MACROD2: variants seen among roughly 807,000 people sequenced by gnomAD.
MACROD2 encodes the protein ADP-ribose glycohydrolase MACROD2.
A neutral mutation model predicts 70.4 loss-of-function variants in MACROD2; 36 were observed. That is an observed-to-expected ratio of 0.51 (90% CI 0.39 to 0.68). The LOEUF (loss-of-function observed/expected upper bound fraction) is 0.68, where lower values mean the gene tolerates loss of function less well. Ranked by LOEUF, MACROD2 falls within the 30% of genes least tolerant of loss-of-function variation. The pLI, the probability that MACROD2 is intolerant of heterozygous loss-of-function variation, is 0.00. For synonymous variants in MACROD2, 172 were observed against 178.8 expected (o/e 0.96, Z 0.30); for missense variants, 496 against 538.4 (o/e 0.92, Z 0.78).
chr20:15,083,142 T>G (rs2075718127), intron 5 of MACROD2, among the ~76,000 whole-genome samples: 1 of 152,174 alleles, frequency 6.6e-6, no homozygotes, highest in Admixed American at 6.6e-5. Flanking sequence ...CTTGTGGGTT[T>G]CTGACAAAGG....
chr20:14,424,003 C>T (rs1004367191), intron 3 of MACROD2, among the ~76,000 whole-genome samples: 3 of 151,722 alleles, frequency 2.0e-5, no homozygotes, highest in African/African-American at 7.3e-5. Flanking sequence ...CTCAGGTGAT[C>T]CGCCCGCCTC....
At chr20:14,192,062 T>C (rs2081393507) in intron 3 of MACROD2, among the ~76,000 whole-genome samples, 1 of 152,198 alleles carries the variant, frequency 6.6e-6, no homozygotes, top group African/African-American at 2.4e-5. Context: ...TACACATCAC[T>C]ACAGAGTCTT....
chr20:15,629,770 G>T (rs1026018071), intron 8 of MACROD2, among the ~76,000 whole-genome samples: 9 of 152,280 alleles, frequency 5.9e-5, no homozygotes, highest in African/African-American at 2.2e-4. Context: ...ACAGACTTAA[G>T]AGTAAATTTG....
intron 6 of MACROD2, among the ~76,000 whole-genome samples, chr20:15,251,779 A>T (rs1284741177): frequency 2.0e-5 from 3 of 152,186 alleles, no homozygotes; most frequent in Non-Finnish European, 4.4e-5. Context: ...TAATCAAGTT[A>T]CTATTTTAAA....
chr20:15,784,653 C>T (rs910761256), intron 8 of MACROD2, among the ~76,000 whole-genome samples: 10 of 152,028 alleles, frequency 6.6e-5, no homozygotes, highest in South Asian at 6.2e-4. Context: ...AACAATAAAA[C>T]GTGATTAATT....
intron 6 of MACROD2, among the ~76,000 whole-genome samples, chr20:15,345,149 T>C (rs758131770): frequency 2.6e-5 from 4 of 152,206 alleles, no homozygotes; most frequent in Non-Finnish European, 5.9e-5. Flanking sequence ...TAATCTTGAT[T>C]ACCGCCGAAA....
intron 8 of MACROD2, among the ~76,000 whole-genome samples, chr20:15,657,402 A>C (rs2049747790): frequency 6.6e-6 from 1 of 152,210 alleles, no homozygotes; most frequent in South Asian, 2.1e-4. Context: ...AGATGAATAA[A>C]AGCAGTTCCA....
chr20:15,990,138 C>A (rs1328044919), intron 15 of MACROD2, among the ~76,000 whole-genome samples: 1 of 152,130 alleles, frequency 6.6e-6, no homozygotes, highest in Non-Finnish European at 1.5e-5. Context: ...TCACATATGG[C>A]AGCTTTTCTG....
At chr20:15,429,377 C>G (rs968263019) in intron 6 of MACROD2, among the ~76,000 whole-genome samples, 4 of 152,084 alleles carry the variant, frequency 2.6e-5, no homozygotes, top group African/African-American at 9.7e-5. Flanking sequence ...AGAAACTGTT[C>G]TACTTTCTCA....
intron 5 of MACROD2, among the ~76,000 whole-genome samples, chr20:15,167,941 G>A (rs1298992243): frequency 6.6e-6 from 1 of 152,154 alleles, no homozygotes; most frequent in Non-Finnish European, 1.5e-5. Context: ...CTGGCAGAAT[G>A]TATGTGGAAT....
At chr20:14,002,509 A>C (rs966258217) in intron 2 of MACROD2, 105 bp downstream of exon 2, 23 of 654,274 alleles carry the variant, frequency 3.5e-5, no homozygotes, top group Middle Eastern at 2.6e-4. Context: ...CTATTTTGCT[A>C]TTTGAAATTA....
chr20:15,980,529 C>T (rs2066382689), intron 13 of MACROD2, among the ~76,000 whole-genome samples: 1 of 152,158 alleles, frequency 6.6e-6, no homozygotes, highest in South Asian at 2.1e-4. Context: ...AGGTAGCAAA[C>T]AAGGGAGCAG....
intron 3 of MACROD2, among the ~76,000 whole-genome samples, chr20:14,180,078 A>G (rs1440350696): frequency 2.6e-5 from 4 of 152,066 alleles, no homozygotes; most frequent in Non-Finnish European, 4.4e-5. Context: ...ATAACTTTCT[A>G]TTACCCCTTC....
At chr20:16,046,640 C>T (rs6135654) in intron 17 of MACROD2, among the ~76,000 whole-genome samples, 20,452 of 146,654 alleles carry the variant, frequency 0.14, 1,526 homozygotes, top group Middle Eastern at 0.28. Context: ...TAAAAATGAA[C>T]TCATATGTTA....
rs374890064 is a variant in MACROD2 at position 14,809,636 on chromosome 20, A to G, written c.418+124677A>G. On this transcript the variant is annotated intron_variant, in intron 5 of 17. Coordinates refer to ENST00000684519, the MANE Select transcript of MACROD2 (RefSeq NM_001351661.2). Reference sequence around the variant, plus strand: ...ACAAAAAAACTCTTCAAAAAAATCAATGAATCCAGGAGCTCATTTTTTTGA... The same window carrying G: ...ACAAAAAAACTCTTCAAAAAAATCAGTGAATCCAGGAGCTCATTTTTTTGA... Among the ~76,000 whole-genome samples, 16 of 152,182 alleles carry G rather than the reference A, an allele frequency of 1.1e-4. No individual in the cohort carries two copies. In the East Asian group the frequency reaches 1.7e-3, roughly 17 times the overall value.
rs1600543731 is a variant in MACROD2, at chr20:15,531,135, A to T, written c.645+31288A>T. 2.6e-5 allele frequency among the ~76,000 whole-genome samples: 4 copies of T among 151,918 alleles called. No homozygotes were observed. In the East Asian group the frequency reaches 7.7e-4, roughly 29 times the overall value. Reference sequence around the variant, plus strand: ...AAAGAGGCAAGAGATGTTAAAATGAAATCGATAAATGTATTTGTTGAAAAT... The same window carrying T: ...AAAGAGGCAAGAGATGTTAAAATGATATCGATAAATGTATTTGTTGAAAAT... On this transcript the variant is annotated intron_variant, in intron 8 of 17. Transcript: ENST00000684519.
At chr20:14,940,941 AT>A (rs2074384606) in intron 5 of MACROD2, among the ~76,000 whole-genome samples, 1 of 151,400 alleles carries the variant, frequency 6.6e-6, no homozygotes, top group African/African-American at 2.4e-5. Flanking sequence ...CTCTTCTTTA[AT>A]TTTTTTGAAG....
chr20:15,743,411 C>T lies in MACROD2; in HGVS notation c.646-119334C>T, dbSNP rs529048581. 7.2e-5 allele frequency among the ~76,000 whole-genome samples: 11 copies of T among 152,242 alleles called. 1 individual carries two copies. In the South Asian group the frequency reaches 1.7e-3, roughly 23 times the overall value. On this transcript the variant is annotated intron_variant, in intron 8 of 17. Transcript: ENST00000684519. ...GACATGGAGGTTACAGCTAGTTTGACGCAGCCTAGGAAAAAAGGGTACTGG... is the reference window on the plus strand; with the variant it reads ...GACATGGAGGTTACAGCTAGTTTGATGCAGCCTAGGAAAAAAGGGTACTGG...
At chr20:15,396,842 G>T (rs1380491656) in intron 6 of MACROD2, among the ~76,000 whole-genome samples, 1 of 152,080 alleles carries the variant, frequency 6.6e-6, no homozygotes, top group Non-Finnish European at 1.5e-5. Context: ...TGGGCCTACT[G>T]GGAACACCTC....
Sources: gnomAD v4.1 joint callset for allele counts (sites outside exome capture counted in the v4.1 genomes callset) on GRCh38, gnomAD v4.1.1 for gene constraint, MANE v1.5 for transcripts, NCBI Gene and HGNC (gene_info 2026-07-23, HGNC 2026-07-21) for gene names.